Variants in PCDHA5 observed in about 807,000 individuals in gnomAD.
PCDHA5 encodes the protein protocadherin alpha-5.
PCDHA5 carries 43 observed loss-of-function variants against 61.6 expected under a neutral mutation model. That is an observed-to-expected ratio of 0.70 (90% CI 0.55 to 0.90). The LOEUF (loss-of-function observed/expected upper bound fraction) is 0.90, where lower values mean the gene tolerates loss of function less well. PCDHA5 is among the 40% of genes least tolerant of loss of function. PCDHA5 has a pLI of 0.00. For missense variants in PCDHA5, 1,298 were observed against 1,222.7 expected (o/e 1.06, Z -0.92); for synonymous variants, 627 against 543.9 (o/e 1.15, Z -2.13).
At chr5:140,869,615 G>T in intron 1 of PCDHA5, 2 of 1,613,858 alleles carry the variant, frequency 1.2e-6, no homozygotes, top group Non-Finnish European at 1.7e-6. Flanking sequence ...TTGACCTACA[G>T]GCTAAGTAAA....
At chr5:140,927,343 G>T (rs2084109180) in intron 1 of PCDHA5, 2 of 1,614,016 alleles carry the variant, frequency 1.2e-6, no homozygotes, top group East Asian at 4.5e-5. Flanking sequence ...TGCCCAAGAT[G>T]ACGACGAGGG....
chr5:141,001,567 T>A (rs116015618), intron 3 of PCDHA5, among the ~76,000 whole-genome samples: 2 of 152,294 alleles, frequency 1.3e-5, no homozygotes, highest in African/African-American at 4.8e-5. Context: ...ACGATTCTCC[T>A]GTGTTTTGTG....
intron 1 of PCDHA5, among the ~76,000 whole-genome samples, chr5:140,974,689 T>A (rs2153804618): frequency 1.3e-5 from 2 of 152,208 alleles, no homozygotes; most frequent in South Asian, 4.1e-4. Flanking sequence ...TTTTGTATTT[T>A]TGGGTTTCAC....
At chr5:140,876,169 C>G in intron 1 of PCDHA5, 1 of 1,613,916 alleles carries the variant, frequency 6.2e-7, no homozygotes, top group African/African-American at 1.3e-5. Context: ...AATAACCGTC[C>G]TGGATGTGAA....
At chr5:140,942,445 A>G (rs1323056710) in intron 1 of PCDHA5, among the ~76,000 whole-genome samples, 5 of 152,016 alleles carry the variant, frequency 3.3e-5, no homozygotes, top group Non-Finnish European at 7.4e-5. Context: ...AAACAAGTAA[A>G]CTATCAATTA....
chr5:140,928,792 G>A (rs1190569981), intron 1 of PCDHA5: 2 of 1,614,048 alleles, frequency 1.2e-6, no homozygotes, highest in Non-Finnish European at 1.7e-6. Context: ...TAAGCAGAGG[G>A]TGGTGGTAGT....
intron 1 of PCDHA5, among the ~76,000 whole-genome samples, chr5:140,974,825 A>G (rs2096642596): frequency 6.6e-6 from 1 of 152,198 alleles, no homozygotes; most frequent in Admixed American, 6.5e-5. Flanking sequence ...ATGCAACATA[A>G]TGATTATTTT....
In PCDHA5 at chr5:140,821,838, C is replaced by T; in HGVS notation, c.63C>T (p.Ala21=). Reference sequence around the variant, plus strand: ...TCCTGCTGCTCTGGCTTCTCCTTGCCTACTGGAAGGCAGGGAGCGGCCAGC... The same window carrying T: ...TCCTGCTGCTCTGGCTTCTCCTTGCTTACTGGAAGGCAGGGAGCGGCCAGC... The part of the protein sequence containing the change: ...SRLLLLWLLL[A]YWKAGSGQLH... Residue 21 remains alanine (A), a synonymous_variant, in exon 1 of 4, where the codon GCC becomes GCT. Coordinates refer to ENST00000529859, the MANE Select transcript of PCDHA5 (RefSeq NM_018908.3). 1 of 1,614,194 alleles carries T rather than the reference C, an allele frequency of 6.2e-7. No homozygotes were observed. Among genetic ancestry groups the T allele is most frequent in the South Asian group, 1.1e-5 (1 of 91,082 alleles).
At chr5:140,915,572 C>A (rs2077180575) in intron 1 of PCDHA5, among the ~76,000 whole-genome samples, 1 of 151,988 alleles carries the variant, frequency 6.6e-6, no homozygotes, top group Non-Finnish European at 1.5e-5. Flanking sequence ...ATCTGGATTG[C>A]CAGGCAAAAG....
rs115674887 is a variant in PCDHA5, at chr5:140,842,176, T to G, written c.2352+18049T>G. 1,504 of 1,613,900 alleles carry G rather than the reference T, an allele frequency of 9.3e-4. 22 individuals are homozygous for G. The African/African-American group carries it at 0.018, about 19-fold the overall frequency. ...TTTCATATTCTTTTAATAGCCTTGT[T>G]GAAACTATGGTTATTGACCACTTTA... On this transcript the variant is annotated intron_variant, in intron 1 of 3. Transcript: ENST00000529859.
intron 1 of PCDHA5, chr5:140,842,871 T>A (rs1554139485): frequency 4.4e-6 from 7 of 1,593,666 alleles, no homozygotes; most frequent in Middle Eastern, 2.1e-4. Context: ...AGCGGCAAGG[T>A]GTACGCGCTG....
chr5:140,956,710 CAGA>C (rs1554222572), intron 1 of PCDHA5, among the ~76,000 whole-genome samples: 1 of 152,144 alleles, frequency 6.6e-6, no homozygotes, highest in Non-Finnish European at 1.5e-5. Flanking sequence ...GGAATAGCTT[CAGA>C]AGAATTGGTA....
intron 1 of PCDHA5, among the ~76,000 whole-genome samples, chr5:140,932,302 G>A (rs565143074): frequency 6.6e-6 from 1 of 151,800 alleles, no homozygotes; most frequent in African/African-American, 2.4e-5. Context: ...AATTTTTAAA[G>A]GTATAAATAT....
chr5:140,909,601 C>G (rs1554193864), intron 1 of PCDHA5, among the ~76,000 whole-genome samples: 1 of 152,170 alleles, frequency 6.6e-6, no homozygotes, highest in Non-Finnish European at 1.5e-5. Context: ...TACTATTTTT[C>G]TAGGTAGAGG....
chr5:140,869,878 A>T, intron 1 of PCDHA5: 1 of 1,610,122 alleles, frequency 6.2e-7, no homozygotes, highest in Non-Finnish European at 8.5e-7. Flanking sequence ...TGCTAAAGAA[A>T]CTCTTGTGCT....
intron 1 of PCDHA5, chr5:140,884,177 C>G (rs1405519238): frequency 1.9e-6 from 3 of 1,613,322 alleles, no homozygotes; most frequent in South Asian, 1.1e-5. Flanking sequence ...GACGCGCCCT[C>G]TGGACGAGGT....
At chr5:140,997,762 A>G (rs2097784598) in intron 3 of PCDHA5, among the ~76,000 whole-genome samples, 1 of 152,118 alleles carries the variant, frequency 6.6e-6, no homozygotes, top group Non-Finnish European at 1.5e-5. Context: ...GAGTAAGGAT[A>G]TAGCACTATG....
At chr5:140,985,138 C>T (rs972329850) in intron 3 of PCDHA5, among the ~76,000 whole-genome samples, 3 of 152,016 alleles carry the variant, frequency 2.0e-5, no homozygotes, top group Non-Finnish European at 2.9e-5. Flanking sequence ...GGGGTTTCAC[C>T]GTGTTAGCCA....
chr5:140,886,102 G>A (rs1040004596), intron 1 of PCDHA5, among the ~76,000 whole-genome samples: 17 of 152,136 alleles, frequency 1.1e-4, no homozygotes, highest in Admixed American at 1.3e-4. Flanking sequence ...CATTGATACA[G>A]TAAAGAAGTA....
Sources: allele counts gnomAD v4.1 joint callset (sites outside exome capture counted in the v4.1 genomes callset), GRCh38; gene constraint gnomAD v4.1.1; transcripts MANE v1.5; gene names NCBI Gene and HGNC (gene_info 2026-07-23, HGNC 2026-07-21).